WSCD2: variants seen among roughly 807,000 people sequenced by gnomAD.
WSCD2 encodes the protein WSC domain sialate O sulfotransferase 2.
In WSCD2, 28 loss-of-function variants were observed where a neutral mutation model predicts 55.7. The ratio of observed to expected loss-of-function variants is 0.50; its 90% CI spans 0.37 to 0.69. The LOEUF (loss-of-function observed/expected upper bound fraction) is 0.69. Ranked by LOEUF, WSCD2 falls within the 30% of genes least tolerant of loss-of-function variation. The probability of loss-of-function intolerance (pLI) is 0.00; values close to 1 mark genes in which losing one functional copy is unlikely to be tolerated. For missense variants in WSCD2, 616 were observed against 762.1 expected, an observed-to-expected ratio of 0.81 and a Z score of 2.26; for synonymous variants, 301 against 301.9, an observed-to-expected ratio of 1.00 and a Z score of 0.03.
chr12:108,163,994 A>G (rs902242510), intron 1 of WSCD2, among the ~76,000 whole-genome samples: 1 of 152,086 alleles, frequency 6.6e-6, no homozygotes, highest in South Asian at 2.1e-4. Context: ...AATGAGTGAA[A>G]CATAGTGGCA....
intron 1 of WSCD2, among the ~76,000 whole-genome samples, chr12:108,131,248 CACTAG>C: frequency 6.6e-6 from 1 of 152,282 alleles, no homozygotes; most frequent in South Asian, 2.1e-4. Context: ...TTGGGCAAAT[CACTAG>C]ACCTCTCTGG....
rs983955447 is a variant in WSCD2, at chr12:108,240,688, G to T, written c.1345+144G>T. 1.5e-5 allele frequency: 15 copies of T among 974,040 alleles called. No homozygotes were observed. The African/African-American group carries it at 1.6e-4, about 11-fold the overall frequency. 60.3% of individuals were successfully genotyped at this position (974,040 alleles called of 1,614,324 possible). A position where few individuals can be genotyped will look rare whatever the true frequency, so the allele number is the denominator to read the frequency against. ...CCCTGGAGGACATCCTGGAGGGCGC[G>T]TGTCATGCTCCAGTCCTTGCTTCCA... On this transcript the variant is annotated intron_variant, in intron 8 of 8. Transcript: ENST00000547525.
intron 1 of WSCD2, among the ~76,000 whole-genome samples, chr12:108,141,701 CAAAGTTTCTTTTACTAGGT>C (rs1876827682): frequency 6.6e-6 from 1 of 152,140 alleles, no homozygotes; most frequent in Admixed American, 6.5e-5. Flanking sequence ...GTCACATCTG[CAAAGTTTCTTTTACTAGGT>C]AAATGTCTCA....
Position 108,248,284 on chromosome 12 carries a change from G to T in WSCD2, c.1639G>T (p.Asp547Tyr). ...CATCTCTGCCTACATCAAGATGGTG[G>T]ATGCAGCCCTCAAAGGGCGGAACCT... ...KTISAYIKMV[D>Y]AALKGRNLTG... is the part of the protein sequence containing the mutation. Residue 547 changes from aspartate (D) to tyrosine (Y), a missense_variant, in exon 9 of 9, where the codon GAT becomes TAT. Physicochemically the swap from Asp to Tyr is radical, Grantham distance 160. Coordinates refer to ENST00000547525, the MANE Select transcript of WSCD2 (RefSeq NM_014653.4). The surrounding 1 kb of genome is among the most constrained non-coding windows in gnomAD (Gnocchi z 4.3). 6.2e-7 allele frequency: 1 copy of T among 1,614,232 alleles called. No homozygotes were observed. The highest frequency in any genetic ancestry group is 8.5e-7 in the Non-Finnish European group (1 of 1,180,046).
intron 1 of WSCD2, among the ~76,000 whole-genome samples, chr12:108,130,475 GGTGTGTGT>G (rs559546028): frequency 0.14 from 18,441 of 134,300 alleles, 1,434 homozygotes; most frequent in Non-Finnish European, 0.18. Flanking sequence ...TCCATTCTGG[GGTGTGTGT>G]GTGTGTGTGT....
intron 1 of WSCD2, among the ~76,000 whole-genome samples, chr12:108,139,686 A>C (rs1479434918): frequency 6.6e-6 from 1 of 152,198 alleles, no homozygotes; most frequent in African/African-American, 2.4e-5. Context: ...GTGTTTTATA[A>C]GTGAATTCAC....
intron 6 of WSCD2, among the ~76,000 whole-genome samples, chr12:108,231,324 C>G (rs1055666671): frequency 6.6e-6 from 1 of 152,198 alleles, no homozygotes; most frequent in Non-Finnish European, 1.5e-5. Context: ...CTGCTCTGAG[C>G]CTTCCCTCAG....
chr12:108,210,242 TGCG>T lies in WSCD2; in HGVS notation c.626_628del (p.Gly209del). ...GTGCAAGGGCGAGCGAGGCAGCGTG[TGCG>T]GCGGCGCCAACCGCCTCTCTGTCTA... On this transcript the variant is annotated inframe_deletion, in exon 4 of 9. Coordinates refer to ENST00000547525, the MANE Select transcript of WSCD2 (RefSeq NM_014653.4). The surrounding 1 kb of genome is among the most constrained non-coding windows in gnomAD (Gnocchi z 4.3). The T allele has an allele frequency of 6.2e-7, 1 of 1,603,440 alleles. No individual in the cohort carries two copies. Among genetic ancestry groups the T allele is most frequent in the Non-Finnish European group, 8.5e-7 (1 of 1,173,028 alleles).
At chr12:108,148,347 T>C (rs1039955236) in intron 1 of WSCD2, among the ~76,000 whole-genome samples, 1 of 152,204 alleles carries the variant, frequency 6.6e-6, no homozygotes, top group Non-Finnish European at 1.5e-5. Flanking sequence ...TATTTGCCAA[T>C]GTAGCCCCAG....
intron 1 of WSCD2, among the ~76,000 whole-genome samples, chr12:108,147,337 G>A (rs547056619): frequency 6.6e-6 from 1 of 152,224 alleles, no homozygotes; most frequent in Non-Finnish European, 1.5e-5. Flanking sequence ...AGACTGGGGA[G>A]CCTGCAGGGC....
chr12:108,247,883 GTGT>G (rs1415047331), intron 8 of WSCD2, 105 bp from the exon 9 acceptor site: 3 of 1,204,430 alleles, frequency 2.5e-6, no homozygotes, highest in Non-Finnish European at 2.3e-6. Flanking sequence ...ATTGTTAATT[GTGT>G]TACCGTGTTG....
In WSCD2 at chr12:108,247,745, C is replaced by T. The variant is rs1291768600; in HGVS notation, c.1346-246C>T. On this transcript the variant is annotated intron_variant, in intron 8 of 8. Transcript: ENST00000547525. ...TATTTTATTTTATTTTTTGTAGAGA[C>T]AGGGTCTTGCTATGTTGCCCAGGCT... Among the ~76,000 whole-genome samples, 3 of 152,176 alleles carry T rather than the reference C, an allele frequency of 2.0e-5. No individual in the cohort carries two copies. In the East Asian group the frequency reaches 5.8e-4, roughly 29 times the overall value.
intron 7 of WSCD2, among the ~76,000 whole-genome samples, chr12:108,237,869 G>GT (rs780956486): frequency 1.3e-5 from 2 of 152,178 alleles, no homozygotes; most frequent in African/African-American, 4.8e-5. Context: ...TAGAAATATT[G>GT]TAACTTGGGT....
At chr12:108,187,970 C>T (rs974616143) in intron 1 of WSCD2, among the ~76,000 whole-genome samples, 3 of 152,172 alleles carry the variant, frequency 2.0e-5, no homozygotes, top group African/African-American at 7.2e-5. Flanking sequence ...GCCCATGGAG[C>T]AAGAGGCACT....
Position 108,195,941 on chromosome 12 carries a change from T to G in WSCD2, c.109T>G (p.Ser37Ala). ...LTAGSLVFLHSGFVGQPAVSG... is the reference protein window; with the variant it reads ...LTAGSLVFLHAGFVGQPAVSG... ...TGCTGGGAGCCTTGTCTTCCTTCACTCTGGCTTTGTGGGCCAGCCCGCTGT... is the reference window on the plus strand; with the variant it reads ...TGCTGGGAGCCTTGTCTTCCTTCACGCTGGCTTTGTGGGCCAGCCCGCTGT... The change falls in exon 2 of 9, where the codon TCT becomes GCT. Residue 37 changes from serine (S) to alanine (A), a missense_variant. By Grantham distance (99) the Ser-to-Ala change is moderately conservative. Coordinates refer to ENST00000547525, the MANE Select transcript of WSCD2 (RefSeq NM_014653.4). 1 of 1,613,994 alleles carries G rather than the reference T, an allele frequency of 6.2e-7. No homozygotes were observed. Among genetic ancestry groups the G allele is most frequent in the South Asian group, 1.1e-5 (1 of 91,048 alleles).
At position 108,247,875 on chromosome 12, in the gene WSCD2, T is replaced by C. The variant is rs556147864; in HGVS notation, c.1346-116T>C. ...CCTGGCCTGTATTATTACAGTTAAT[T>C]GTTAATTGTGTTACCGTGTTGTGCT... On this transcript the variant is annotated intron_variant, in intron 8 of 8. Coordinates refer to ENST00000547525, the MANE Select transcript of WSCD2 (RefSeq NM_014653.4). The C allele has an allele frequency of 5.9e-4, 679 of 1,154,162 alleles. 2 individuals carry two copies. The highest frequency in any genetic ancestry group is 7.7e-4 in the Non-Finnish European group (628 of 814,294). The allele number at this position is 1,154,162 out of a possible 1,614,324, so 71.5% of individuals were successfully genotyped here.
At chr12:108,204,992 G>C (rs150017153) in intron 2 of WSCD2, among the ~76,000 whole-genome samples, 11 of 152,138 alleles carry the variant, frequency 7.2e-5, no homozygotes, top group Non-Finnish European at 1.2e-4. Context: ...CTGGATCCCC[G>C]GTCTAACCTC....
At chr12:108,187,294 T>C (rs1449475287) in intron 1 of WSCD2, among the ~76,000 whole-genome samples, 2 of 152,202 alleles carry the variant, frequency 1.3e-5, no homozygotes, top group African/African-American at 4.8e-5. Flanking sequence ...CTACCTTAGG[T>C]AGTCACCAAT....
At position 108,227,125 on chromosome 12, in the gene WSCD2, A is replaced by G. The variant is rs754374361; in HGVS notation, c.940A>G (p.Thr314Ala). ...CSAEEFESCG[T>A]PSYFIVYQTQ... ...CGCGGAGGAGTTTGAGAGCTGCGGG[A>G]CTCCTAGTTACTTCATTGTGTACCA... Residue 314 changes from threonine to alanine, a missense_variant, in exon 6 of 9, where the codon ACT (threonine) becomes GCT (alanine). Transcript: ENST00000547525. The G allele has an allele frequency of 6.2e-7, 1 of 1,614,126 alleles. No individual in the cohort carries two copies. The highest frequency in any genetic ancestry group is 1.3e-5 in the African/African-American group (1 of 75,038).
Sources: allele counts gnomAD v4.1 joint callset (sites outside exome capture counted in the v4.1 genomes callset), GRCh38; gene constraint gnomAD v4.1.1; non-coding constraint Gnocchi (gnomAD v3.1); transcripts MANE v1.5; gene names NCBI Gene and HGNC (gene_info 2026-07-23, HGNC 2026-07-21).